Variants in TFDP2 observed in about 807,000 individuals in gnomAD.
TFDP2 encodes transcription factor Dp-2 (E2F dimerization partner 2).
A neutral mutation model predicts 59.3 loss-of-function variants in TFDP2; 17 were observed. The ratio of observed to expected loss-of-function variants is 0.29; its 90% CI spans 0.20 to 0.43. The LOEUF (loss-of-function observed/expected upper bound fraction) is 0.43, where lower values mean the gene tolerates loss of function less well. TFDP2 is among the 20% of genes least tolerant of loss of function. TFDP2 has a pLI of 1.00. For missense variants in TFDP2, 391 were observed against 528.8 expected (o/e 0.74, Z 2.56); for synonymous variants, 180 against 194.7 (o/e 0.92, Z 0.63).
chr3:142,096,528 T>C lies in TFDP2; in HGVS notation c.16-3401A>G, dbSNP rs796302920. ...TTTTTTCTCAATTTTTAAAAATAAA[T>C]TGTATTGTCTGTATTTAAGGTATAA... is the stretch of plus-strand genomic sequence containing the variant. On this transcript the variant is annotated intron_variant, in intron 2 of 12. Coordinates refer to ENST00000489671, the MANE Select transcript of TFDP2 (RefSeq NM_001178139.2). Among the ~76,000 whole-genome samples the C allele has an allele frequency of 3.3e-5, 5 of 152,264 alleles. 1 individual carries two copies. The highest frequency in any genetic ancestry group is 3.4e-3 in the Middle Eastern group (1 of 294).
intron 9 of TFDP2, among the ~76,000 whole-genome samples, chr3:141,964,233 G>A (rs1228112271): frequency 1.3e-5 from 2 of 152,132 alleles, no homozygotes; most frequent in Admixed American, 1.3e-4. Flanking sequence ...GACACAGCAA[G>A]GGTGATACCA....
chr3:142,025,895 C>T (rs573309460), intron 3 of TFDP2, among the ~76,000 whole-genome samples: 1 of 151,522 alleles, frequency 6.6e-6, no homozygotes, highest in South Asian at 2.1e-4. Context: ...ACCCAGGAGG[C>T]AGAGGTTGCA....
chr3:141,985,636 A>G (rs1325913137), intron 6 of TFDP2, among the ~76,000 whole-genome samples: 1 of 152,104 alleles, frequency 6.6e-6, no homozygotes, highest in Non-Finnish European at 1.5e-5. Flanking sequence ...AAAGACCTAA[A>G]TGTAAGAGCT....
chr3:142,127,985 G>A (rs144073349), intron 1 of TFDP2, among the ~76,000 whole-genome samples: 11 of 152,068 alleles, frequency 7.2e-5, no homozygotes, highest in African/African-American at 2.4e-4. Flanking sequence ...AGGAATACCC[G>A]AGGCCAGTTC....
intron 2 of TFDP2, among the ~76,000 whole-genome samples, chr3:142,099,631 C>T (rs1057334729): frequency 6.7e-6 from 1 of 150,118 alleles, no homozygotes; most frequent in African/African-American, 2.5e-5. Context: ...ACCTGGGAGG[C>T]AGAGGTTGCA....
intron 3 of TFDP2, among the ~76,000 whole-genome samples, chr3:142,011,602 G>GA (rs548076797): frequency 0.05 from 3,228 of 64,116 alleles, 110 homozygotes; most frequent in African/African-American, 0.12. Flanking sequence ...AAAAAAAAAA[G>GA]AAAAAAAAAA....
chr3:142,002,308 AT>A (rs1430606496), intron 4 of TFDP2, among the ~76,000 whole-genome samples: 1 of 95,784 alleles, frequency 1.0e-5, no homozygotes, highest in African/African-American at 4.2e-5. Context: ...CTAATTTTTT[AT>A]TTTTAGTGTT....
chr3:142,115,228 G>T (rs958478719), intron 1 of TFDP2, among the ~76,000 whole-genome samples: 1 of 151,466 alleles, frequency 6.6e-6, no homozygotes, highest in Admixed American at 6.6e-5. Flanking sequence ...GAAAATCTCC[G>T]CATCTGAACA....
intron 3 of TFDP2, among the ~76,000 whole-genome samples, chr3:142,047,849 C>T (rs1168781878): frequency 6.7e-6 from 1 of 149,692 alleles, no homozygotes; most frequent in Non-Finnish European, 1.5e-5. Flanking sequence ...TCAAGTGATT[C>T]TCCTGCCTCA....
At position 141,952,605 on chromosome 3, in the gene TFDP2, A is replaced by G; in HGVS notation, c.1249T>C (p.Ser417Pro). The stretch of plus-strand genomic sequence containing the variant: ...TCGCCTCGGGACTCGGAGCAGTGAG[A>G]GGCCGCACTGCTGGACTGGTGACTG... ...PNSHQSSSAA[S>P]HCSESRGETP... is the part of the protein sequence containing the mutation. Residue 417 changes from serine to proline, a missense_variant, in exon 13 of 13, where the codon TCT becomes CCT. This residue lies in a region of TFDP2 where 223 missense variants were observed against 292.5 expected (regional missense o/e 0.76). Transcript: ENST00000489671. 1 of 1,582,244 alleles carries G rather than the reference A, an allele frequency of 6.3e-7. No individual in the cohort carries two copies. Among genetic ancestry groups the G allele is most frequent in the South Asian group, 1.2e-5 (1 of 84,942 alleles).
intron 10 of TFDP2, 147 bp downstream of exon 10, chr3:141,963,665 C>T (rs1017905461): frequency 1.2e-6 from 1 of 855,944 alleles, no homozygotes; most frequent in Non-Finnish European, 1.8e-6. Context: ...AAGATTGCAC[C>T]CATGGTTCAG....
At chr3:142,025,245 T>C (rs889297718) in intron 3 of TFDP2, among the ~76,000 whole-genome samples, 1 of 152,176 alleles carries the variant, frequency 6.6e-6, no homozygotes. Flanking sequence ...TAGAAAATTA[T>C]ACTCTCTATG....
intron 1 of TFDP2, among the ~76,000 whole-genome samples, chr3:142,124,709 C>A (rs1351288337): frequency 6.6e-6 from 1 of 151,936 alleles, no homozygotes; most frequent in Non-Finnish European, 1.5e-5. Context: ...ACTGATATGA[C>A]TACAAAAAAT....
chr3:142,063,337 T>C (rs2059978342), intron 3 of TFDP2, among the ~76,000 whole-genome samples: 1 of 152,236 alleles, frequency 6.6e-6, no homozygotes, highest in Admixed American at 6.5e-5. Flanking sequence ...AAAATATGCT[T>C]ACATAAAATA....
chr3:141,993,582 A>G lies in TFDP2; in HGVS notation c.312T>C (p.Asp104=). The G allele has an allele frequency of 1.9e-6, 3 of 1,560,114 alleles. No homozygotes were observed. The highest frequency in any genetic ancestry group is 2.6e-6 in the Non-Finnish European group (3 of 1,139,298). ...CTATAAATTTTCTAGCCCGTTTTCT[A>G]TCACTAAAAAGGAAAAAAGATAGCA... ...IAEATGWVPG[D]RKRARKFIDS... Residue 104 remains aspartate, a synonymous_variant, in exon 6 of 13, where the codon GAT becomes GAC. Transcript: ENST00000489671.
At chr3:142,114,087 C>T (rs556788329) in intron 1 of TFDP2, among the ~76,000 whole-genome samples, 2 of 152,044 alleles carry the variant, frequency 1.3e-5, no homozygotes, top group East Asian at 1.9e-4. Flanking sequence ...ATGGCGTGAA[C>T]CCGGGAGGTG....
intron 3 of TFDP2, among the ~76,000 whole-genome samples, chr3:142,043,380 T>C (rs1334935613): frequency 6.6e-6 from 1 of 151,720 alleles, no homozygotes; most frequent in Non-Finnish European, 1.5e-5. Context: ...TATTTATTTT[T>C]GGAGACTGAG....
intron 3 of TFDP2, among the ~76,000 whole-genome samples, chr3:142,045,131 T>G (rs1313261562): frequency 6.6e-6 from 1 of 152,032 alleles, no homozygotes; most frequent in Non-Finnish European, 1.5e-5. Context: ...GATGTCCTTC[T>G]TTTATTTTGC....
chr3:142,055,764 T>TGA (rs2059718560), intron 3 of TFDP2, among the ~76,000 whole-genome samples: 1 of 152,090 alleles, frequency 6.6e-6, no homozygotes, highest in Non-Finnish European at 1.5e-5. Flanking sequence ...AACCTGAAGC[T>TGA]TATATATAAA....
Sources: gnomAD v4.1 joint callset for allele counts (sites outside exome capture counted in the v4.1 genomes callset) on GRCh38, gnomAD v4.1.1 for gene constraint, gnomAD v4.1.1 regional missense constraint, MANE v1.5 for transcripts, NCBI Gene and HGNC (gene_info 2026-07-23, HGNC 2026-07-21) for gene names.